AK9: variants seen among roughly 807,000 people sequenced by gnomAD.
AK9 encodes adenylate kinase 9, also known as adenylate kinase domain containing 1.
In AK9, 191 loss-of-function variants were observed where a neutral mutation model predicts 239.6. The ratio of observed to expected loss-of-function variants is 0.80; its 90% CI spans 0.71 to 0.90. The LOEUF is 0.90. Among genes scored for constraint, AK9 ranks in the 40% least tolerant of loss-of-function variants. The pLI, the probability that AK9 is intolerant of heterozygous loss-of-function variation, is 0.00. For synonymous variants in AK9, 689 were observed against 721.0 expected (o/e 0.96, Z 0.71); for missense variants, 1,995 against 2,214.7 (o/e 0.90, Z 1.99).
chr6:109,676,121 G>A lies in AK9; in HGVS notation c.-11-365C>T, dbSNP rs564283989. On this transcript the variant is annotated intron_variant, in intron 1 of 40. Coordinates refer to ENST00000424296, the MANE Select transcript of AK9 (RefSeq NM_001145128.3). Reference sequence around the variant, plus strand: ...GCATGTATAAATTTTACCAGAAATAGAAAAGGTAATGTTGGCTAAATGTAT... The same window carrying A: ...GCATGTATAAATTTTACCAGAAATAAAAAAGGTAATGTTGGCTAAATGTAT... Among the ~76,000 whole-genome samples the A allele has an allele frequency of 2.0e-5, 3 of 152,212 alleles. No individual in the cohort carries two copies. In the South Asian group the frequency reaches 6.2e-4, roughly 32 times the overall value.
At chr6:109,568,649 A>G (rs1786937649) in intron 21 of AK9, among the ~76,000 whole-genome samples, 1 of 152,198 alleles carries the variant, frequency 6.6e-6, no homozygotes, top group African/African-American at 2.4e-5. Flanking sequence ...ACAAACAGAG[A>G]GCCAAATCAT....
Position 109,564,216 on chromosome 6 carries a change from C to T in AK9, c.2499G>A (p.Glu833=), listed in dbSNP as rs1786170846. Residue 833 remains glutamate, a synonymous_variant, in exon 23 of 41, where the codon GAG becomes GAA. Transcript: ENST00000424296. The part of the protein sequence containing the change: ...PDVPEMEPFK[E]KIGSFIILWK... ...AGAGGATGATGAAAGAACCAATCTT[C>T]TCTTTAAATGGCTCCATTTCGGGAA... The T allele has an allele frequency of 3.2e-6, 5 of 1,551,440 alleles. No individual in the cohort carries two copies. Among genetic ancestry groups the T allele is most frequent in the Non-Finnish European group, 4.4e-6 (5 of 1,146,882 alleles).
intron 27 of AK9, among the ~76,000 whole-genome samples, chr6:109,535,958 G>C (rs1781925117): frequency 6.6e-6 from 1 of 152,120 alleles, no homozygotes; most frequent in Non-Finnish European, 1.5e-5. Context: ...GTGTTCCATT[G>C]GTCTATATGT....
intron 1 of AK9, among the ~76,000 whole-genome samples, chr6:109,676,752 T>C (rs1052659491): frequency 1.3e-5 from 2 of 152,058 alleles, no homozygotes; most frequent in African/African-American, 4.8e-5. Flanking sequence ...TAAAATGATA[T>C]AGCAAAAAGT....
At chr6:109,664,793 C>T (rs62435982) in intron 5 of AK9, among the ~76,000 whole-genome samples, 88,150 of 151,280 alleles carry the variant, frequency 0.58, 27,337 homozygotes, top group South Asian at 0.84. Context: ...CCAGCACTTT[C>T]GGAGGCCGAG....
chr6:109,632,741 G>C, intron 12 of AK9, 182 bp downstream of exon 12: 1 of 1,294,434 alleles, frequency 7.7e-7, no homozygotes, highest in Non-Finnish European at 9.9e-7. Context: ...ACAACAAAAA[G>C]AATGCCTACC....
At chr6:109,547,403 T>C (rs1316469091) in intron 25 of AK9, among the ~76,000 whole-genome samples, 4 of 152,210 alleles carry the variant, frequency 2.6e-5, no homozygotes, top group Admixed American at 1.3e-4. Context: ...AAAACACTTA[T>C]AGCCAACTCA....
chr6:109,605,397 C>A (rs1198350470), intron 17 of AK9, among the ~76,000 whole-genome samples: 2 of 152,112 alleles, frequency 1.3e-5, no homozygotes, highest in Non-Finnish European at 2.9e-5. Context: ...CTTAATGTGA[C>A]AAGATAATTT....
intron 35 of AK9, among the ~76,000 whole-genome samples, chr6:109,499,506 T>C (rs1777387802): frequency 6.6e-6 from 1 of 152,226 alleles, no homozygotes; most frequent in East Asian, 1.9e-4. Context: ...GCATATAGTA[T>C]GCTTGTGCCA....
rs1583280852 is a variant in AK9 at position 109,619,072 on chromosome 6, A to T, written c.1399+20T>A. ...ATTTTTACCTAAACTTAAAACACAC[A>T]TTTTAAAAAGATGTTTCACCTTGTT... On this transcript the variant is annotated intron_variant, in intron 13 of 40. Coordinates refer to ENST00000424296, the MANE Select transcript of AK9 (RefSeq NM_001145128.3). The T allele has an allele frequency of 6.5e-7, 1 of 1,528,440 alleles. No homozygotes were observed. 94.7% of individuals were successfully genotyped at this position (1,528,440 alleles called of 1,614,324 possible).
intron 5 of AK9, among the ~76,000 whole-genome samples, chr6:109,666,043 A>G (rs181385553): frequency 1.6e-4 from 25 of 152,346 alleles, no homozygotes; most frequent in African/African-American, 6.0e-4. Flanking sequence ...TGGAAATGGC[A>G]GAAGAATAAG....
chr6:109,608,809 C>T (rs1443902938), intron 17 of AK9, among the ~76,000 whole-genome samples: 1 of 152,086 alleles, frequency 6.6e-6, no homozygotes, highest in Non-Finnish European at 1.5e-5. Context: ...AGAGCTCATA[C>T]TCAGAATACA....
At chr6:109,507,968 C>G (rs578022095) in intron 33 of AK9, among the ~76,000 whole-genome samples, 3 of 152,358 alleles carry the variant, frequency 2.0e-5, no homozygotes, top group South Asian at 4.1e-4. Flanking sequence ...CTGTATCTCA[C>G]TGCCAATTTC....
chr6:109,542,687 C>A (rs1365150284), intron 26 of AK9, among the ~76,000 whole-genome samples: 1 of 151,952 alleles, frequency 6.6e-6, no homozygotes. Context: ...TCTCTGAGGT[C>A]TTTTTTTATA....
chr6:109,565,353 T>C (rs1786331216), intron 21 of AK9, among the ~76,000 whole-genome samples: 1 of 152,104 alleles, frequency 6.6e-6, no homozygotes, highest in Non-Finnish European at 1.5e-5. Flanking sequence ...CTCACACCTG[T>C]GGTCCTAGCT....
chr6:109,677,896 A>T (rs1386584329), intron 1 of AK9, among the ~76,000 whole-genome samples: 2 of 152,214 alleles, frequency 1.3e-5, no homozygotes, highest in Non-Finnish European at 2.9e-5. Context: ...AGAATGGCTA[A>T]AATAAAAAAT....
chr6:109,663,760 A>C (rs1432687864), intron 5 of AK9, among the ~76,000 whole-genome samples: 1 of 152,218 alleles, frequency 6.6e-6, no homozygotes, highest in Non-Finnish European at 1.5e-5. Flanking sequence ...AATGGATTTT[A>C]ATGTAACCAA....
chr6:109,515,922 C>G lies in AK9; in HGVS notation c.4000G>C (p.Ala1334Pro), dbSNP rs951751978. 2 of 1,551,598 alleles carry G rather than the reference C, an allele frequency of 1.3e-6. No individual in the cohort carries two copies. Among genetic ancestry groups the G allele is most frequent in the Non-Finnish European group, 1.7e-6 (2 of 1,146,902 alleles). ...EKCHPIPAPL[A>P]QKMLTFTYKY... is the part of the protein sequence containing the mutation. ...TAGGTAAAGGTGAGCATTTTCTGGG[C>G]AAGGGGTGCTGGTATTGGATGACAT... The change falls in exon 31 of 41, where the codon GCC becomes CCC. Residue 1334 changes from alanine to proline, a missense_variant. By Grantham distance (27) the Ala-to-Pro change is conservative (BLOSUM62 -1). Around this residue, in one of 5 missense-constraint regions of AK9, gnomAD observed 1,290 missense variants for 1,392.7 expected, o/e 0.93. Coordinates refer to ENST00000424296, the MANE Select transcript of AK9 (RefSeq NM_001145128.3).
chr6:109,526,047 A>G (rs1314573716), intron 29 of AK9, among the ~76,000 whole-genome samples: 1 of 152,196 alleles, frequency 6.6e-6, no homozygotes, highest in African/African-American at 2.4e-5. Context: ...CAGAAAACCA[A>G]CTACTGCATG....
Sources: gnomAD v4.1 joint callset for allele counts (sites outside exome capture counted in the v4.1 genomes callset) on GRCh38, gnomAD v4.1.1 for gene constraint, gnomAD v4.1.1 regional missense constraint, MANE v1.5 for transcripts, NCBI Gene and HGNC (gene_info 2026-07-23, HGNC 2026-07-21) for gene names.